TCF7L2: variants seen among roughly 807,000 people sequenced by gnomAD.
TCF7L2 encodes transcription factor 7-like 2.
In TCF7L2, 23 loss-of-function variants were observed where a neutral mutation model predicts 77.9. The observed-to-expected ratio is 0.30, with a 90% CI of 0.21 to 0.42. The LOEUF (loss-of-function observed/expected upper bound fraction) is 0.42. TCF7L2 is among the 10% of genes least tolerant of loss of function. The pLI, the probability that TCF7L2 is intolerant of heterozygous loss-of-function variation, is 1.00. For synonymous variants in TCF7L2, 413 were observed against 340.2 expected (o/e 1.21, Z -2.36); for missense variants, 654 against 793.1 (o/e 0.82, Z 2.11).
rs2068820592 is a variant in TCF7L2 at position 113,143,907 on chromosome 10, C to T, written c.686-16C>T. On this transcript the variant is annotated splice_polypyrimidine_tract_variant and intron_variant, in intron 6 of 13. Transcript: ENST00000627217. ...CTCTCCCTCCTTTGTACCTAAAATGCTGCTTCTTCCCTCAGGAATCCCACG... is the reference window on the plus strand; with the variant it reads ...CTCTCCCTCCTTTGTACCTAAAATGTTGCTTCTTCCCTCAGGAATCCCACG... 3 of 1,605,610 alleles carry T rather than the reference C, an allele frequency of 1.9e-6. No individual in the cohort carries two copies. Among genetic ancestry groups the T allele is most frequent in the Non-Finnish European group, 2.6e-6 (3 of 1,173,140 alleles).
At chr10:113,158,420 G>A (rs1282627308) in intron 12 of TCF7L2, among the ~76,000 whole-genome samples, 1 of 152,046 alleles carries the variant, frequency 6.6e-6, no homozygotes, top group African/African-American at 2.4e-5. Context: ...AGGGGGCGGG[G>A]CTTAGGGGAG....
chr10:113,023,261 G>A (rs1276149182), intron 4 of TCF7L2, among the ~76,000 whole-genome samples: 1 of 152,138 alleles, frequency 6.6e-6, no homozygotes, highest in Non-Finnish European at 1.5e-5. Flanking sequence ...CCTTTTGGTT[G>A]GGATGACTGT....
At chr10:112,995,489 G>A (rs1029576948) in intron 4 of TCF7L2, among the ~76,000 whole-genome samples, 5 of 152,060 alleles carry the variant, frequency 3.3e-5, no homozygotes, top group African/African-American at 9.7e-5. Context: ...GTGGTGCAGC[G>A]GGAGGCGTAA....
At chr10:113,082,692 T>C (rs2135481118) in intron 5 of TCF7L2, among the ~76,000 whole-genome samples, 1 of 152,178 alleles carries the variant, frequency 6.6e-6, no homozygotes, top group East Asian at 1.9e-4. Context: ...ACCCTCTTAT[T>C]ATATAATGGC....
intron 5 of TCF7L2, among the ~76,000 whole-genome samples, chr10:113,118,654 G>T (rs183022902): frequency 1.2e-4 from 15 of 127,932 alleles, no homozygotes; most frequent in South Asian, 3.3e-4. Context: ...TTTTTTTTTT[G>T]TTTTTTTTTG....
chr10:113,042,650 A>G (rs1218526308), intron 5 of TCF7L2, among the ~76,000 whole-genome samples: 1 of 152,158 alleles, frequency 6.6e-6, no homozygotes, highest in Non-Finnish European at 1.5e-5. Context: ...TGAGGGAGAT[A>G]GGAAAGTAGA....
At chr10:113,085,803 CCT>C (rs2059778945) in intron 5 of TCF7L2, among the ~76,000 whole-genome samples, 1 of 152,204 alleles carries the variant, frequency 6.6e-6, no homozygotes, top group South Asian at 2.1e-4. Flanking sequence ...GAGAAACACA[CCT>C]CTTGAGGTCC....
rs1450470195 is a variant in TCF7L2 at position 112,951,239 on chromosome 10, T to C, written c.222T>C (p.Ser74=). ...GACGGCCTCCGCCTCGCTCCGAAAG[T>C]TTCCGAGACAAATCCCGGGAAAGTT... Residue 74 remains serine (S), a synonymous_variant, in exon 2 of 14, where the codon AGT becomes AGC. Coordinates refer to ENST00000627217, the MANE Select transcript of TCF7L2 (RefSeq NM_001146274.2). 1 of 1,574,662 alleles carries C rather than the reference T, an allele frequency of 6.4e-7. No individual in the cohort carries two copies. The highest frequency in any genetic ancestry group is 1.8e-5 in the Admixed American group (1 of 55,074).
intron 5 of TCF7L2, among the ~76,000 whole-genome samples, chr10:113,126,294 A>G (rs192155775): frequency 6.6e-5 from 10 of 152,334 alleles, no homozygotes; most frequent in African/African-American, 2.2e-4. Context: ...TTCAGTTGGC[A>G]GAAAACTTTG....
intron 5 of TCF7L2, chr10:113,129,800 AGTCCCATCTC>A: frequency 3.1e-6 from 4 of 1,286,540 alleles, no homozygotes; most frequent in Non-Finnish European, 4.0e-6. Context: ...AAACTGGCCC[AGTCCCATCTC>A]GAAGGTACAG....
At position 113,082,324 on chromosome 10, in the gene TCF7L2, T is replaced by G. The variant is rs1286591086; in HGVS notation, c.552+42198T>G. ...CATATAATGTCTTTTTTTAATAACT[T>G]TATTCCAAACTTGAAAAAAATTATC... is the stretch of plus-strand genomic sequence containing the variant. On this transcript the variant is annotated intron_variant, in intron 5 of 13. Coordinates refer to ENST00000627217, the MANE Select transcript of TCF7L2 (RefSeq NM_001146274.2). Among the ~76,000 whole-genome samples the G allele has an allele frequency of 5.6e-5, 6 of 107,008 alleles. No homozygotes were observed. The Admixed American group carries it at 6.4e-4, about 11-fold the overall frequency. The allele number at this position is 107,008 out of a possible 152,430, so 70.2% of individuals were successfully genotyped here. A position where few individuals can be genotyped will look rare whatever the true frequency, so the allele number is the denominator to read the frequency against.
At position 112,965,627 on chromosome 10, in the gene TCF7L2, ATATGTGTG is replaced by A. The variant is rs968822137; in HGVS notation, c.450+1005_450+1012del. Among the ~76,000 whole-genome samples the A allele has an allele frequency of 3.5e-4, 24 of 68,300 alleles. No homozygotes were observed. The South Asian group carries it at 0.012, about 34-fold the overall frequency. The allele number at this position is 68,300 out of a possible 152,430, so 44.8% of individuals were successfully genotyped here. Reference sequence around the variant, plus strand: ...GCAGATAACTTGTCTGTGTGTGTGTATATGTGTGTGTGTGTGTGTGTGTGTGTGTGTGT... The same window carrying A: ...GCAGATAACTTGTCTGTGTGTGTGTATGTGTGTGTGTGTGTGTGTGTGTGT... On this transcript the variant is annotated intron_variant, in intron 4 of 13. Coordinates refer to ENST00000627217, the MANE Select transcript of TCF7L2 (RefSeq NM_001146274.2).
intron 4 of TCF7L2, among the ~76,000 whole-genome samples, chr10:112,980,400 A>T (rs556757035): frequency 1.5e-4 from 23 of 152,356 alleles, no homozygotes; most frequent in African/African-American, 5.5e-4. Context: ...AATATATAGC[A>T]AAAGACCCAG....
At chr10:112,953,542 A>C (rs1291075750) in intron 3 of TCF7L2, among the ~76,000 whole-genome samples, 3 of 151,972 alleles carry the variant, frequency 2.0e-5, no homozygotes, top group Admixed American at 1.3e-4. Flanking sequence ...TCCGATGGAA[A>C]CCTCCCTGGT....
intron 13 of TCF7L2, among the ~76,000 whole-genome samples, chr10:113,162,347 T>G (rs2073294921): frequency 6.6e-6 from 1 of 152,218 alleles, no homozygotes; most frequent in Non-Finnish European, 1.5e-5. Flanking sequence ...AATCCTTTTT[T>G]TGTTTTGGAA....
intron 4 of TCF7L2, among the ~76,000 whole-genome samples, chr10:113,005,469 G>A (rs2045372933): frequency 6.6e-6 from 1 of 152,094 alleles, no homozygotes; most frequent in African/African-American, 2.4e-5. Flanking sequence ...GTTCATTGTG[G>A]GTGTGACCTG....
intron 5 of TCF7L2, among the ~76,000 whole-genome samples, chr10:113,056,941 C>T (rs942735263): frequency 4.6e-5 from 7 of 152,168 alleles, no homozygotes; most frequent in Admixed American, 6.5e-5. Context: ...CCAGACTCTG[C>T]GTTTTCCAGG....
intron 4 of TCF7L2, among the ~76,000 whole-genome samples, chr10:113,005,700 G>A (rs140886790): frequency 1.8e-3 from 277 of 152,258 alleles, no homozygotes; most frequent in African/African-American, 6.4e-3. Context: ...TCTGCAAAGG[G>A]GTTGGCTGGG....
chr10:112,952,637 G>C (rs1589592966), intron 3 of TCF7L2, among the ~76,000 whole-genome samples: 6 of 152,216 alleles, frequency 3.9e-5, no homozygotes, highest in Admixed American at 3.9e-4. Context: ...AGGGTGTGCG[G>C]GCTCAAGGAG....
Sources: gnomAD v4.1 joint callset for allele counts (sites outside exome capture counted in the v4.1 genomes callset) on GRCh38, gnomAD v4.1.1 for gene constraint, MANE v1.5 for transcripts, NCBI Gene and HGNC (gene_info 2026-07-23, HGNC 2026-07-21) for gene names.